INPP5A: variants seen among roughly 807,000 people sequenced by gnomAD.
The protein encoded by INPP5A is 43 kDa inositol polyphosphate 5-phophatase.
INPP5A carries 14 observed loss-of-function variants against 65.2 expected under a neutral mutation model. That is an observed-to-expected ratio of 0.21 (90% CI 0.14 to 0.34). The LOEUF is 0.34. INPP5A is among the 10% of genes least tolerant of loss of function. The pLI, the probability that INPP5A is intolerant of heterozygous loss-of-function variation, is 1.00. For missense variants in INPP5A, 431 were observed against 545.6 expected, an observed-to-expected ratio of 0.79 and a Z score of 2.09; for synonymous variants, 207 against 208.3, an observed-to-expected ratio of 0.99 and a Z score of 0.05.
rs1323840704 is a variant in INPP5A at position 132,551,084 on chromosome 10, C to G, written c.75+12913C>G. ...TGGTCCAGGTTCCTGCCTGAGCCCA[C>G]TGAGCAGATGATGGGGATGAGGCCC... On this transcript the variant is annotated intron_variant, in intron 1 of 15. Coordinates refer to ENST00000368594, the MANE Select transcript of INPP5A (RefSeq NM_005539.5). The surrounding 1 kb of genome is among the most constrained non-coding windows in gnomAD (Gnocchi z 5.3). Among the ~76,000 whole-genome samples, 6 of 152,234 alleles carry G rather than the reference C, an allele frequency of 3.9e-5. No individual in the cohort carries two copies. The highest frequency in any genetic ancestry group is 8.8e-5 in the Non-Finnish European group (6 of 68,048).
At chr10:132,708,273 A>G (rs1039706669) in intron 6 of INPP5A, 40 bp from the exon 7 acceptor site, 2 of 1,603,708 alleles carry the variant, frequency 1.2e-6, no homozygotes, top group Admixed American at 3.3e-5. Context: ...GCTCTTGCTC[A>G]CTTACTCTGG....
At chr10:132,752,499 G>A (rs1846507075) in intron 11 of INPP5A, among the ~76,000 whole-genome samples, 1 of 146,870 alleles carries the variant, frequency 6.8e-6, no homozygotes, top group Non-Finnish European at 1.5e-5. Context: ...TGGAAGGGGT[G>A]CAGTGTGGAG....
At chr10:132,607,003 G>A (rs957940888) in intron 1 of INPP5A, among the ~76,000 whole-genome samples, 6 of 152,204 alleles carry the variant, frequency 3.9e-5, no homozygotes, top group African/African-American at 7.2e-5. Flanking sequence ...CACGGTGGGC[G>A]ATGTTGGAGC....
chr10:132,559,265 G>C (rs117284972), intron 1 of INPP5A, among the ~76,000 whole-genome samples: 1 of 152,322 alleles, frequency 6.6e-6, no homozygotes, highest in Non-Finnish European at 1.5e-5. Context: ...TGAGTGAAGC[G>C]CACACGTGGT....
At chr10:132,660,741 T>C (rs975770157) in intron 4 of INPP5A, among the ~76,000 whole-genome samples, 4 of 152,148 alleles carry the variant, frequency 2.6e-5, no homozygotes, top group Non-Finnish European at 5.9e-5. Flanking sequence ...TGGGGACCAT[T>C]ACAGAGTTCA....
Position 132,704,093 on chromosome 10 carries a change from G to T in INPP5A, c.475-4220G>T, listed in dbSNP as rs909545969. ...CTGAAGGCTTGGCCTGATCTCTGCTGCAGCATCTGGTTCCCAAAGCATGTC... is the reference window on the plus strand; with the variant it reads ...CTGAAGGCTTGGCCTGATCTCTGCTTCAGCATCTGGTTCCCAAAGCATGTC... On this transcript the variant is annotated intron_variant, in intron 6 of 15. Transcript: ENST00000368594. This position sits in a 1 kb window ranked among gnomAD's most constrained non-coding sequence, Gnocchi z 4.5. Among the ~76,000 whole-genome samples, 4 of 151,768 alleles carry T rather than the reference G, an allele frequency of 2.6e-5. No individual in the cohort carries two copies. The highest frequency in any genetic ancestry group is 9.7e-5 in the African/African-American group (4 of 41,256).
intron 4 of INPP5A, among the ~76,000 whole-genome samples, chr10:132,655,472 C>T (rs137995323): frequency 1.7e-3 from 256 of 152,360 alleles, no homozygotes; most frequent in Non-Finnish European, 3.4e-3. Context: ...ACAGAAATCC[C>T]GTGTCTTGTC....
intron 1 of INPP5A, among the ~76,000 whole-genome samples, chr10:132,589,462 T>G (rs1392932357): frequency 6.6e-6 from 1 of 152,200 alleles, no homozygotes; most frequent in Non-Finnish European, 1.5e-5. Flanking sequence ...GGGGCCGCGG[T>G]CCAAGCCGAG....
intron 4 of INPP5A, among the ~76,000 whole-genome samples, chr10:132,677,209 C>T (rs183270746): frequency 7.2e-5 from 11 of 152,320 alleles, no homozygotes; most frequent in East Asian, 3.9e-4. Context: ...CATGGCTGGA[C>T]GCTGTCTCTC....
chr10:132,754,429 C>T (rs1262424131), intron 11 of INPP5A, among the ~76,000 whole-genome samples: 2 of 152,146 alleles, frequency 1.3e-5, no homozygotes, highest in Non-Finnish European at 2.9e-5. Flanking sequence ...GGGGTTTTCT[C>T]TCAGGCACCA....
rs796751631 is a variant in INPP5A at position 132,644,457 on chromosome 10, T to C, written c.118-1411T>C. On this transcript the variant is annotated intron_variant, in intron 2 of 15. Transcript: ENST00000368594. This position sits in a 1 kb window ranked among gnomAD's most constrained non-coding sequence, Gnocchi z 6.5. ...TGGAACCATTTCTGTCTCCCCAGCC[T>C]GAGCCCGTCGTCCCTTGCTGGCTGC... Among the ~76,000 whole-genome samples, 147 of 152,352 alleles carry C rather than the reference T, an allele frequency of 9.6e-4. No homozygotes were observed. Among genetic ancestry groups the C allele is most frequent in the African/African-American group, 3.3e-3 (138 of 41,588 alleles).
intron 2 of INPP5A, among the ~76,000 whole-genome samples, chr10:132,643,898 G>A (rs1293010062): frequency 2.0e-5 from 3 of 152,070 alleles, no homozygotes; most frequent in Admixed American, 6.5e-5. Flanking sequence ...TGGTGACCCC[G>A]TGGTGTCCTA....
At chr10:132,716,101 C>T (rs1392397922) in intron 8 of INPP5A, among the ~76,000 whole-genome samples, 1 of 151,886 alleles carries the variant, frequency 6.6e-6, no homozygotes, top group African/African-American at 2.4e-5. Flanking sequence ...GAGTCAAGAG[C>T]CAAGAAAGGT....
chr10:132,588,414 C>G (rs766742571), intron 1 of INPP5A, among the ~76,000 whole-genome samples: 9 of 152,238 alleles, frequency 5.9e-5, no homozygotes, highest in Non-Finnish European at 7.3e-5. Context: ...ACAGTTTGTG[C>G]TTCTCATTTG....
chr10:132,685,391 G>C (rs2073102075), intron 4 of INPP5A, among the ~76,000 whole-genome samples: 1 of 152,280 alleles, frequency 6.6e-6, no homozygotes, highest in South Asian at 2.1e-4. Flanking sequence ...CCTCACATGG[G>C]CACTGCTTGT....
At chr10:132,618,072 A>T (rs539484162) in intron 2 of INPP5A, among the ~76,000 whole-genome samples, 5 of 152,370 alleles carry the variant, frequency 3.3e-5, no homozygotes, top group African/African-American at 1.2e-4. Context: ...GGGAATGAGG[A>T]TAAATTTTAA....
chr10:132,539,956 T>G (rs1051861163), intron 1 of INPP5A, among the ~76,000 whole-genome samples: 4 of 152,236 alleles, frequency 2.6e-5, no homozygotes, highest in African/African-American at 9.6e-5. Flanking sequence ...GAACTGGTTT[T>G]CCTCACACTT....
chr10:132,668,163 T>A (rs1380412050), intron 4 of INPP5A, among the ~76,000 whole-genome samples: 1 of 152,242 alleles, frequency 6.6e-6, no homozygotes, highest in Non-Finnish European at 1.5e-5. Flanking sequence ...GAGGGACTAA[T>A]GGGCTCCTGC....
chr10:132,580,575 A>G (rs2133299080), intron 1 of INPP5A, among the ~76,000 whole-genome samples: 1 of 152,324 alleles, frequency 6.6e-6, no homozygotes, highest in African/African-American at 2.4e-5. Flanking sequence ...GGCCATGCTT[A>G]GGGGAAAGAG....
Sources: gnomAD v4.1 joint callset for allele counts (sites outside exome capture counted in the v4.1 genomes callset) on GRCh38, gnomAD v4.1.1 for gene constraint, Gnocchi (gnomAD v3.1) non-coding constraint, MANE v1.5 for transcripts, NCBI Gene and HGNC (gene_info 2026-07-23, HGNC 2026-07-21) for gene names.